The following SH3RF1 variants were observed in gnomAD, a reference collection of about 807,000 sequenced individuals.
The protein encoded by SH3RF1 is E3 ubiquitin-protein ligase SH3RF1.
SH3RF1 carries 32 observed loss-of-function variants against 74.0 expected under a neutral mutation model. The observed-to-expected ratio is 0.43, with a 90% CI of 0.33 to 0.58. SH3RF1 has a LOEUF of 0.58. Among genes scored for constraint, SH3RF1 ranks in the 20% least tolerant of loss-of-function variants. The pLI, the probability that SH3RF1 is intolerant of heterozygous loss-of-function variation, is 0.05. For synonymous variants in SH3RF1, 396 were observed against 439.6 expected (o/e 0.90, Z 1.24); for missense variants, 954 against 1,130.9 (o/e 0.84, Z 2.24).
rs533908774 is a variant in SH3RF1 at position 169,242,495 on chromosome 4, T to C, written c.393+26325A>G. ...AACATTAGTGTGCATAAAAATCTCC[T>C]GGGAAACTTGTTTGAAATGAAAATT... On this transcript the variant is annotated intron_variant, in intron 2 of 11. Transcript: ENST00000284637. Among the ~76,000 whole-genome samples the C allele has an allele frequency of 3.7e-4, 57 of 152,336 alleles. 1 individual carries two copies. In the East Asian group the frequency reaches 4.6e-3, roughly 12 times the overall value.
chr4:169,194,968 AT>A (rs1249086653), intron 2 of SH3RF1, among the ~76,000 whole-genome samples: 2 of 152,294 alleles, frequency 1.3e-5, no homozygotes, highest in East Asian at 3.9e-4. Flanking sequence ...GAAGACATTG[AT>A]GTTGTTTTGT....
chr4:169,104,398 G>T (rs1260245561), intron 11 of SH3RF1, among the ~76,000 whole-genome samples: 1 of 152,144 alleles, frequency 6.6e-6, no homozygotes, highest in African/African-American at 2.4e-5. Flanking sequence ...GACCAATACA[G>T]CAGGAAAAAG....
intron 11 of SH3RF1, among the ~76,000 whole-genome samples, chr4:169,098,141 T>G (rs1732961168): frequency 6.6e-6 from 1 of 152,222 alleles, no homozygotes. Context: ...TAATACATGC[T>G]TATTATTGTT....
chr4:169,227,419 C>A (rs529324853), intron 2 of SH3RF1, among the ~76,000 whole-genome samples: 2 of 152,256 alleles, frequency 1.3e-5, no homozygotes, highest in African/African-American at 4.8e-5. Flanking sequence ...CTGATAGGTA[C>A]ATGACAAAGT....
chr4:169,264,613 G>C (rs983007217), intron 2 of SH3RF1, among the ~76,000 whole-genome samples: 1 of 152,188 alleles, frequency 6.6e-6, no homozygotes, highest in East Asian at 1.9e-4. Flanking sequence ...TTTCTTTCCC[G>C]ATCTCTCCAT....
At chr4:169,115,931 A>G (rs975488580) in intron 10 of SH3RF1, among the ~76,000 whole-genome samples, 1 of 152,252 alleles carries the variant, frequency 6.6e-6, no homozygotes, top group Non-Finnish European at 1.5e-5. Flanking sequence ...ATGAGTAACT[A>G]AAGGGAAAAG....
intron 2 of SH3RF1, among the ~76,000 whole-genome samples, chr4:169,179,037 AT>A (rs1734467453): frequency 6.6e-6 from 1 of 152,144 alleles, no homozygotes; most frequent in African/African-American, 2.4e-5. Flanking sequence ...CCACACCCCA[AT>A]CCCTGAACCC....
chr4:169,201,502 A>T (rs1734907821), intron 2 of SH3RF1, among the ~76,000 whole-genome samples: 1 of 152,242 alleles, frequency 6.6e-6, no homozygotes, highest in South Asian at 2.1e-4. Flanking sequence ...ATAATTTAAC[A>T]CTGATGTTTC....
chr4:169,096,578 T>A lies in SH3RF1; in HGVS notation c.2608A>T (p.Thr870Ser). 1.9e-6 allele frequency: 3 copies of A among 1,614,214 alleles called. No individual in the cohort carries two copies. Among genetic ancestry groups the A allele is most frequent in the Non-Finnish European group, 1.7e-6 (2 of 1,180,026 alleles). ...CCAGTTTTCCCATTACGTTGTAATGTGCCTTTGAACCAGCCATCCTCTCGT... is the reference window on the plus strand; with the variant it reads ...CCAGTTTTCCCATTACGTTGTAATGAGCCTTTGAACCAGCCATCCTCTCGT... ...KKREDGWFKG[T>S]LQRNGKTGLF... Residue 870 changes from threonine to serine, a missense_variant, in exon 12 of 12, where the codon ACA becomes TCA. Around this residue, in one of 3 missense-constraint regions of SH3RF1, gnomAD observed 36 missense variants for 66.5 expected, o/e 0.54. Coordinates refer to ENST00000284637, the MANE Select transcript of SH3RF1 (RefSeq NM_020870.4).
At chr4:169,178,043 C>G (rs941915512) in intron 2 of SH3RF1, among the ~76,000 whole-genome samples, 1 of 151,680 alleles carries the variant, frequency 6.6e-6, no homozygotes, top group Non-Finnish European at 1.5e-5. Flanking sequence ...GAGTTTGAGA[C>G]GAGCCTGGCC....
At chr4:169,264,452 T>C (rs931069176) in intron 2 of SH3RF1, among the ~76,000 whole-genome samples, 30 of 152,320 alleles carry the variant, frequency 2.0e-4, no homozygotes, top group African/African-American at 6.0e-4. Flanking sequence ...CGTAGCAATG[T>C]TGGGGGACAT....
intron 10 of SH3RF1, 60 bp from the exon 11 acceptor site, chr4:169,107,265 C>G: frequency 7.0e-7 from 1 of 1,424,180 alleles, no homozygotes; most frequent in Non-Finnish European, 9.5e-7. Context: ...CTGGTGTAAT[C>G]TAAAGGGCCC....
chr4:169,242,950 G>A (rs1730937167), intron 2 of SH3RF1, among the ~76,000 whole-genome samples: 1 of 152,178 alleles, frequency 6.6e-6, no homozygotes, highest in Non-Finnish European at 1.5e-5. Flanking sequence ...CCAGGTATGT[G>A]CATTTTTAAC....
chr4:169,107,623 T>C (rs1733168093), intron 10 of SH3RF1, among the ~76,000 whole-genome samples: 1 of 152,270 alleles, frequency 6.6e-6, no homozygotes, highest in South Asian at 2.1e-4. Context: ...TTTCAGATTA[T>C]GGATTTAATT....
chr4:169,248,358 A>G (rs1487882558), intron 2 of SH3RF1, among the ~76,000 whole-genome samples: 1 of 152,152 alleles, frequency 6.6e-6, no homozygotes, highest in African/African-American at 2.4e-5. Context: ...TGAAGCTGAA[A>G]CCATCATTCT....
chr4:169,260,348 C>A (rs1334184487), intron 2 of SH3RF1, among the ~76,000 whole-genome samples: 1 of 152,106 alleles, frequency 6.6e-6, no homozygotes, highest in Admixed American at 6.5e-5. Flanking sequence ...GGACTGCTTT[C>A]CTGCTCCCCC....
At chr4:169,097,215 A>T (rs13130334) in intron 11 of SH3RF1, among the ~76,000 whole-genome samples, 1 of 151,948 alleles carries the variant, frequency 6.6e-6, no homozygotes, top group Non-Finnish European at 1.5e-5. Context: ...CTGTGTCCCT[A>T]CGTCCCTTAC....
At chr4:169,205,780 C>G (rs898676965) in intron 2 of SH3RF1, among the ~76,000 whole-genome samples, 7 of 152,026 alleles carry the variant, frequency 4.6e-5, no homozygotes, top group Non-Finnish European at 1.0e-4. Context: ...CAAAAGAGAC[C>G]CCAGGAATAT....
At chr4:169,232,417 A>G (rs1313252549) in intron 2 of SH3RF1, among the ~76,000 whole-genome samples, 1 of 152,242 alleles carries the variant, frequency 6.6e-6, no homozygotes, top group Non-Finnish European at 1.5e-5. Context: ...GACAACTGTT[A>G]TTCATTTGTA....
Sources: allele counts gnomAD v4.1 joint callset (sites outside exome capture counted in the v4.1 genomes callset), GRCh38; gene constraint gnomAD v4.1.1; regional missense constraint gnomAD v4.1.1; transcripts MANE v1.5; gene names NCBI Gene and HGNC (gene_info 2026-07-23, HGNC 2026-07-21).